ROBO1: variants seen among roughly 807,000 people sequenced by gnomAD.
ROBO1 encodes roundabout homolog 1.
ROBO1 carries 149 observed loss-of-function variants against 195.9 expected under a neutral mutation model. The ratio of observed to expected loss-of-function variants is 0.76; its 90% confidence interval spans 0.67 to 0.87. The LOEUF is 0.87. ROBO1 is among the 40% of genes least tolerant of loss of function. The pLI, the probability that ROBO1 is intolerant of heterozygous loss-of-function variation, is 0.00. For synonymous variants in ROBO1, 816 were observed against 733.2 expected (o/e 1.11, Z -1.82); for missense variants, 1,933 against 2,068.3 (o/e 0.93, Z 1.27).
At chr3:79,704,653 G>T (rs1947714693) in intron 1 of ROBO1, among the ~76,000 whole-genome samples, 1 of 151,992 alleles carries the variant, frequency 6.6e-6, no homozygotes, top group Non-Finnish European at 1.5e-5. Flanking sequence ...ATATTCATGT[G>T]CAGAATTTTG....
intron 4 of ROBO1, among the ~76,000 whole-genome samples, chr3:78,833,816 G>A (rs2032452103): frequency 6.6e-6 from 1 of 152,042 alleles, no homozygotes; most frequent in African/African-American, 2.4e-5. Flanking sequence ...GAGGGGTGAG[G>A]GAAGAGAACT....
chr3:78,845,112 TC>T (rs1340069707), intron 4 of ROBO1, among the ~76,000 whole-genome samples: 2 of 152,104 alleles, frequency 1.3e-5, no homozygotes, highest in Non-Finnish European at 2.9e-5. Flanking sequence ...ATGTATCCTA[TC>T]CTTTTGCTGC....
chr3:79,267,317 T>A (rs770254870), intron 2 of ROBO1, among the ~76,000 whole-genome samples: 1 of 151,584 alleles, frequency 6.6e-6, no homozygotes, highest in Non-Finnish European at 1.5e-5. Context: ...CTGTCTGAAC[T>A]AATCTTGCCA....
chr3:79,140,129 T>A (rs1027784885), intron 2 of ROBO1, among the ~76,000 whole-genome samples: 2 of 152,280 alleles, frequency 1.3e-5, no homozygotes, highest in East Asian at 3.9e-4. Context: ...AACTGAGATC[T>A]CCTTATCCTT....
intron 4 of ROBO1, 67 bp from the exon 5 acceptor site, chr3:78,746,967 G>T: frequency 9.4e-7 from 1 of 1,058,348 alleles, no homozygotes; most frequent in Non-Finnish European, 1.3e-6. Flanking sequence ...CTGAACTTCA[G>T]CAGGAGACAT....
chr3:79,495,010 T>C (rs1359429296), intron 2 of ROBO1, among the ~76,000 whole-genome samples: 1 of 146,412 alleles, frequency 6.8e-6, no homozygotes, highest in Non-Finnish European at 1.5e-5. Flanking sequence ...CATAGATAGA[T>C]TGACAGATAG....
chr3:78,696,300 A>G (rs2107898129), intron 8 of ROBO1, among the ~76,000 whole-genome samples: 1 of 152,272 alleles, frequency 6.6e-6, no homozygotes, highest in Non-Finnish European at 1.5e-5. Flanking sequence ...TCTTGCTAAG[A>G]GAGGGGAAAA....
At chr3:79,135,694 A>G (rs113214786) in intron 2 of ROBO1, among the ~76,000 whole-genome samples, 7 of 151,932 alleles carry the variant, frequency 4.6e-5, no homozygotes, top group African/African-American at 1.7e-4. Context: ...CTAGAGTGCA[A>G]TGGTGCGACC....
At chr3:79,267,973 TG>T (rs1460900091) in intron 2 of ROBO1, among the ~76,000 whole-genome samples, 2 of 151,606 alleles carry the variant, frequency 1.3e-5, no homozygotes, top group African/African-American at 4.8e-5. Context: ...TCATCATCCA[TG>T]GGAAAATCAT....
At chr3:79,028,330 A>G (rs1026658302) in intron 3 of ROBO1, among the ~76,000 whole-genome samples, 1 of 151,838 alleles carries the variant, frequency 6.6e-6, no homozygotes, top group Non-Finnish European at 1.5e-5. Context: ...ATAGCAGTTT[A>G]AAAACTGTTA....
chr3:78,641,468 G>A (rs939709913), intron 21 of ROBO1, among the ~76,000 whole-genome samples: 7 of 152,150 alleles, frequency 4.6e-5, no homozygotes, highest in African/African-American at 1.2e-4. Context: ...TTGATAAATC[G>A]TGATTTGAAG....
At chr3:79,047,185 T>C (rs1176837776) in intron 3 of ROBO1, among the ~76,000 whole-genome samples, 1 of 151,986 alleles carries the variant, frequency 6.6e-6, no homozygotes, top group Non-Finnish European at 1.5e-5. Flanking sequence ...GAAGGGAAAA[T>C]GTTTATTATG....
At chr3:79,290,549 G>C (rs2032183998) in intron 2 of ROBO1, among the ~76,000 whole-genome samples, 1 of 152,018 alleles carries the variant, frequency 6.6e-6, no homozygotes, top group South Asian at 2.1e-4. Flanking sequence ...CAGTGTTAAA[G>C]CTCTCCCATA....
At chr3:78,982,687 G>T (rs970275493) in intron 3 of ROBO1, among the ~76,000 whole-genome samples, 4 of 151,902 alleles carry the variant, frequency 2.6e-5, no homozygotes, top group Admixed American at 6.6e-5. Context: ...GGAGTGTAGT[G>T]GCGTGATCTC....
At chr3:78,658,562 G>A (rs992309761) in intron 17 of ROBO1, among the ~76,000 whole-genome samples, 11 of 152,308 alleles carry the variant, frequency 7.2e-5, no homozygotes, top group Middle Eastern at 6.8e-3. Flanking sequence ...GATTACAGGC[G>A]TGAGCCACAG....
chr3:78,804,255 C>T (rs333482), intron 4 of ROBO1, among the ~76,000 whole-genome samples: 146,607 of 152,250 alleles, frequency 0.96, 70,839 homozygotes, highest in East Asian at 1. Flanking sequence ...CTATTAACTC[C>T]GTTCCAAATT....
intron 2 of ROBO1, among the ~76,000 whole-genome samples, chr3:79,472,999 A>T (rs972834513): frequency 3.3e-5 from 5 of 152,166 alleles, no homozygotes; most frequent in Non-Finnish European, 5.9e-5. Context: ...TGTTCAAGGC[A>T]TAAGTGGAAA....
chr3:79,478,901 G>T (rs1332016316), intron 2 of ROBO1, among the ~76,000 whole-genome samples: 1 of 152,084 alleles, frequency 6.6e-6, no homozygotes, highest in Non-Finnish European at 1.5e-5. Context: ...GGCAACTATT[G>T]CTGAATTAAC....
chr3:79,336,244 T>C (rs1430907786), intron 2 of ROBO1, among the ~76,000 whole-genome samples: 1 of 152,086 alleles, frequency 6.6e-6, no homozygotes, highest in East Asian at 1.9e-4. Flanking sequence ...TGGGGAAATA[T>C]CTCCAGGGCA....
Sources: gnomAD v4.1 joint callset for allele counts (sites outside exome capture counted in the v4.1 genomes callset) on GRCh38, gnomAD v4.1.1 for gene constraint, MANE v1.5 for transcripts, NCBI Gene and HGNC (gene_info 2026-07-23, HGNC 2026-07-21) for gene names.